Variants in FIG4 observed in about 807,000 individuals in gnomAD.
FIG4 encodes FIG4 phosphoinositide 5-phosphatase.
A neutral mutation model predicts 118.6 loss-of-function variants in FIG4; 112 were observed. The ratio of observed to expected loss-of-function variants is 0.94; its 90% CI spans 0.81 to 1.11. FIG4 has a LOEUF of 1.11. Ranked by LOEUF, FIG4 falls within the 50% of genes least tolerant of loss-of-function variation. The pLI, the probability that FIG4 is intolerant of heterozygous loss-of-function variation, is 0.00. For synonymous variants in FIG4, 369 were observed against 381.2 expected, an observed-to-expected ratio of 0.97 and a Z score of 0.37; for missense variants, 969 against 1,111.7, an observed-to-expected ratio of 0.87 and a Z score of 1.83.
chr6:109,791,683 G>T, intron 20 of FIG4, 112 bp downstream of exon 20: 2 of 903,882 alleles, frequency 2.2e-6, no homozygotes, highest in Non-Finnish European at 3.6e-6. Flanking sequence ...TTATCTCACT[G>T]TTGTGTTTGA....
chr6:109,808,244 C>T (rs1355528463), intron 22 of FIG4, among the ~76,000 whole-genome samples: 3 of 149,710 alleles, frequency 2.0e-5, no homozygotes, highest in Non-Finnish European at 4.4e-5. Flanking sequence ...AAAATGTGGT[C>T]TGTAGGCCCT....
chr6:109,725,568 T>C (rs1407578624), intron 3 of FIG4, among the ~76,000 whole-genome samples: 1 of 152,192 alleles, frequency 6.6e-6, no homozygotes, highest in Non-Finnish European at 1.5e-5. Context: ...TAAACATATG[T>C]GTGCATGTGT....
chr6:109,778,994 A>G (rs957690606), intron 16 of FIG4, among the ~76,000 whole-genome samples: 1 of 152,158 alleles, frequency 6.6e-6, no homozygotes, highest in South Asian at 2.1e-4. Context: ...TATTCTTATC[A>G]ATGCATATTA....
intron 21 of FIG4, among the ~76,000 whole-genome samples, chr6:109,795,844 G>A (rs920901282): frequency 4.6e-5 from 7 of 152,040 alleles, no homozygotes; most frequent in South Asian, 2.1e-4. Context: ...CTCATGATCC[G>A]CCTGCCTCGG....
chr6:109,704,095 T>G (rs1383404306), intron 1 of FIG4, among the ~76,000 whole-genome samples: 2 of 152,188 alleles, frequency 1.3e-5, no homozygotes, highest in Non-Finnish European at 2.9e-5. Flanking sequence ...TGAACAGAAC[T>G]CTTGGTTTCC....
At chr6:109,763,787 G>A in intron 12 of FIG4, 150 bp from the exon 13 acceptor site, 2 of 662,444 alleles carry the variant, frequency 3.0e-6, no homozygotes, top group Non-Finnish European at 2.7e-6. Flanking sequence ...TCACTTACCT[G>A]AAAGAATGAG....
intron 12 of FIG4, 35 bp downstream of exon 12, chr6:109,762,242 T>C: frequency 7.7e-7 from 1 of 1,306,438 alleles, no homozygotes; most frequent in East Asian, 2.3e-5. Flanking sequence ...TAATAAATGA[T>C]GATTTTTGCT....
At chr6:109,737,881 C>T (rs1042822587) in intron 6 of FIG4, among the ~76,000 whole-genome samples, 2 of 152,082 alleles carry the variant, frequency 1.3e-5, no homozygotes, top group Non-Finnish European at 2.9e-5. Flanking sequence ...AGCAGAGGTG[C>T]CGTGCTCCCT....
At chr6:109,698,555 G>A (rs1020159505) in intron 1 of FIG4, among the ~76,000 whole-genome samples, 8 of 152,212 alleles carry the variant, frequency 5.3e-5, no homozygotes, top group African/African-American at 1.4e-4. Flanking sequence ...AGAAGTGACC[G>A]GAACAGACAT....
chr6:109,730,998 G>A, intron 4 of FIG4, among the ~76,000 whole-genome samples: 1 of 152,142 alleles, frequency 6.6e-6, no homozygotes, highest in Admixed American at 6.6e-5. Context: ...TATTTAGAAT[G>A]TGGGAAGAAT....
At chr6:109,783,259 C>G (rs1305421179) in intron 16 of FIG4, among the ~76,000 whole-genome samples, 2 of 152,132 alleles carry the variant, frequency 1.3e-5, no homozygotes, top group Non-Finnish European at 2.9e-5. Flanking sequence ...CACATGTACC[C>G]CTGAACTTAA....
chr6:109,727,355 C>A lies in FIG4; in HGVS notation c.446+90C>A. The A allele has an allele frequency of 2.8e-6, 3 of 1,067,610 alleles. No homozygotes were observed. In the South Asian group the frequency reaches 3.8e-5, roughly 14 times the overall value. The allele number at this position is 1,067,610 out of a possible 1,614,324, so 66.1% of individuals were successfully genotyped here. On this transcript the variant is annotated intron_variant, in intron 4 of 22. Coordinates refer to ENST00000230124, the MANE Select transcript of FIG4 (RefSeq NM_014845.6). ...GAAGGCTGGAATATAATGGCATGGT[C>A]ATAGCTTGCTGTAGCCTTGGCCTCC...
intron 7 of FIG4, among the ~76,000 whole-genome samples, chr6:109,739,921 G>A (rs936104106): frequency 2.0e-5 from 3 of 152,136 alleles, no homozygotes; most frequent in African/African-American, 7.2e-5. Flanking sequence ...CTGTGAGGGG[G>A]ACGAAAGGCT....
intron 22 of FIG4, among the ~76,000 whole-genome samples, chr6:109,815,325 A>G (rs1020397441): frequency 2.6e-5 from 4 of 151,580 alleles, no homozygotes; most frequent in African/African-American, 9.7e-5. Flanking sequence ...CCACCCTTCC[A>G]TATGGACTCC....
intron 3 of FIG4, among the ~76,000 whole-genome samples, chr6:109,720,409 G>A (rs1313809579): frequency 1.3e-5 from 2 of 152,180 alleles, no homozygotes; most frequent in East Asian, 1.9e-4. Flanking sequence ...TTTTGAACAT[G>A]CTGAATTGGT....
rs1317532051 is a variant in FIG4, at chr6:109,735,205, C to A, written c.553C>A (p.Pro185Thr). Residue 185 changes from proline to threonine, a missense_variant, in exon 6 of 23, where the codon CCC (proline) becomes ACC (threonine). Pro to Thr is a conservative substitution (Grantham distance 38). This residue lies in a region of FIG4 where 393 missense variants were observed against 409.4 expected (regional missense o/e 0.96). Coordinates refer to ENST00000230124, the MANE Select transcript of FIG4 (RefSeq NM_014845.6). Reference protein sequence around the residue: ...LQYNLTVLRMPLEMLKSEMTQ... With the variant: ...LQYNLTVLRMTLEMLKSEMTQ... ...ATATAATCTCACTGTCTTGCGAATG[C>A]CCCTGGAGATGTTAAAGTCAGAAAT... is the stretch of plus-strand genomic sequence containing the variant. The A allele has an allele frequency of 1.2e-6, 2 of 1,612,130 alleles. No homozygotes were observed.
intron 22 of FIG4, among the ~76,000 whole-genome samples, chr6:109,817,851 G>A (rs990756208): frequency 6.6e-6 from 1 of 152,238 alleles, no homozygotes; most frequent in Non-Finnish European, 1.5e-5. Context: ...TGTTAGCTTG[G>A]CTGTGTTGGC....
At chr6:109,777,877 C>T (rs748705976) in intron 16 of FIG4, among the ~76,000 whole-genome samples, 4 of 152,082 alleles carry the variant, frequency 2.6e-5, no homozygotes, top group East Asian at 1.9e-4. Flanking sequence ...TGACCTGGGT[C>T]GAGTAATTTA....
In FIG4 at chr6:109,765,061, A is replaced by G; in HGVS notation, c.1483A>G (p.Thr495Ala). 6.2e-7 allele frequency: 1 copy of G among 1,613,944 alleles called. No homozygotes were observed. Among genetic ancestry groups the G allele is most frequent in the Non-Finnish European group, 8.5e-7 (1 of 1,179,824 alleles). Reference sequence around the variant, plus strand: ...TGTGGACTGTTTAGATCGCACCAACACAGCACAGTTTATGGTGGGAAAATG... The same window carrying G: ...TGTGGACTGTTTAGATCGCACCAACGCAGCACAGTTTATGGTGGGAAAATG... ...NCVDCLDRTN[T>A]AQFMVGKCAL... The change falls in exon 14 of 23, where the codon ACA becomes GCA. Residue 495 changes from threonine (T) to alanine (A), a missense_variant. By Grantham distance (58) the Thr-to-Ala change is moderately conservative. Coordinates refer to ENST00000230124, the MANE Select transcript of FIG4 (RefSeq NM_014845.6).
Sources: gnomAD v4.1 joint callset for allele counts (sites outside exome capture counted in the v4.1 genomes callset) on GRCh38, gnomAD v4.1.1 for gene constraint, gnomAD v4.1.1 regional missense constraint, MANE v1.5 for transcripts, NCBI Gene and HGNC (gene_info 2026-07-23, HGNC 2026-07-21) for gene names.